The following CD163L1 variants were observed in gnomAD, a reference collection of about 807,000 sequenced individuals.
CD163L1 encodes the protein scavenger receptor cysteine-rich type 1 protein M160.
In CD163L1, 124 loss-of-function variants were observed where a neutral mutation model predicts 165.4. The ratio of observed to expected loss-of-function variants is 0.75; its 90% confidence interval spans 0.65 to 0.87. CD163L1 has a LOEUF of 0.87. CD163L1 is among the 40% of genes least tolerant of loss of function. The pLI is 0.00. For synonymous variants in CD163L1, 585 were observed against 662.2 expected, an observed-to-expected ratio of 0.88 and a Z score of 1.79; for missense variants, 1,525 against 1,799.9, an observed-to-expected ratio of 0.85 and a Z score of 2.76.
chr12:7,434,091 T>C (rs1565818720), intron 2 of CD163L1, among the ~76,000 whole-genome samples: 1 of 152,208 alleles, frequency 6.6e-6, no homozygotes, highest in Non-Finnish European at 1.5e-5. Flanking sequence ...GAAGGAGATG[T>C]TTTATATACT....
At chr12:7,323,142 T>C in the CD163L1 span, 3 of 1,239,646 alleles carry the variant, frequency 2.4e-6, no homozygotes, top group Middle Eastern at 2.3e-4. Flanking sequence ...ACCAGGAAAA[T>C]CAGTCAAAAT....
chr12:7,348,360 T>C (rs113844423), intron 4 of CD163L1, among the ~76,000 whole-genome samples: 10 of 152,346 alleles, frequency 6.6e-5, no homozygotes, highest in African/African-American at 2.4e-4. Flanking sequence ...TAGCTAAAAA[T>C]CTTATTGATT....
At chr12:7,365,612 T>C (rs939244850) in intron 18 of CD163L1, among the ~76,000 whole-genome samples, 1 of 151,978 alleles carries the variant, frequency 6.6e-6, no homozygotes, top group African/African-American at 2.4e-5. Context: ...AAGAACTGAA[T>C]AGACATTTCT....
downstream of CD163L1, among the ~76,000 whole-genome samples, chr12:7,342,912 T>C (rs1946646803): frequency 1.3e-5 from 2 of 152,236 alleles, no homozygotes; most frequent in Non-Finnish European, 2.9e-5. Flanking sequence ...ACATCAGGTT[T>C]TCTTTTCACG....
downstream of CD163L1, among the ~76,000 whole-genome samples, chr12:7,350,241 A>C (rs770002151): frequency 3.3e-5 from 5 of 152,196 alleles, no homozygotes; most frequent in Non-Finnish European, 7.3e-5. Context: ...CCAGGTGCCA[A>C]GCTGGAGTCA....
Position 7,439,713 on chromosome 12 carries a change from G to C in CD163L1, c.124+1441C>G, listed in dbSNP as rs764518225. The C allele has an allele frequency of 8.1e-5, 130 of 1,610,806 alleles. No homozygotes were observed. In the African/African-American group the frequency reaches 1.7e-3, roughly 21 times the overall value. ...CTTTACAGTCCTCCAGGTGAGTCTC[G>C]GGCTCCCAGGTATCGTCATCCGATG... On this transcript the variant is annotated intron_variant, in intron 2 of 19. Coordinates refer to ENST00000313599, the MANE Select transcript of CD163L1 (RefSeq NM_174941.6).
At position 7,374,688 on chromosome 12, in the gene CD163L1, C is replaced by T. The variant is rs36206713; in HGVS notation, c.3163G>A (p.Gly1055Ser). The T allele has an allele frequency of 7.0e-3, 11,360 of 1,614,200 alleles. 59 individuals carry two copies. The highest frequency in any genetic ancestry group is 0.014 in the Middle Eastern group (82 of 6,062). ...CAGRVEIYHD[G>S]FWGTICDDGW... is the part of the protein sequence containing the mutation. ...TCATCACAGATGGTGCCCCAGAAGC[C>T]GTCGTGATAGATCTCTACTCTCCCG... The change falls in exon 13 of 20, where the codon GGC becomes AGC. Residue 1055 changes from glycine (G) to serine (S), a missense_variant. Gly to Ser is a moderately conservative substitution (Grantham distance 56). Coordinates refer to ENST00000313599, the MANE Select transcript of CD163L1 (RefSeq NM_174941.6). This position sits in a 1 kb window ranked among gnomAD's most constrained non-coding sequence, Gnocchi z 5.4.
chr12:7,405,912 GA>G (rs1948005999), intron 5 of CD163L1, among the ~76,000 whole-genome samples: 1 of 152,114 alleles, frequency 6.6e-6, no homozygotes, highest in Non-Finnish European at 1.5e-5. Context: ...TACTGTGAGA[GA>G]AATATGAAGG....
At chr12:7,417,272 C>G (rs940445043) in intron 4 of CD163L1, among the ~76,000 whole-genome samples, 15 of 152,114 alleles carry the variant, frequency 9.9e-5, no homozygotes, top group Non-Finnish European at 7.4e-5. Flanking sequence ...ATTTCCTATC[C>G]TGAGACTTTG....
the CD163L1 span, among the ~76,000 whole-genome samples, chr12:7,321,552 C>T: frequency 6.6e-6 from 1 of 152,178 alleles, no homozygotes; most frequent in Admixed American, 6.5e-5. Flanking sequence ...TATGTCACGG[C>T]CTTTGAAACA....
intron 8 of CD163L1, among the ~76,000 whole-genome samples, chr12:7,389,804 C>G (rs1236289712): frequency 6.6e-6 from 1 of 151,586 alleles, no homozygotes; most frequent in Non-Finnish European, 1.5e-5. Context: ...CATGTACCCA[C>G]AGACATTTTT....
chr12:7,383,855 C>T (rs935938818), intron 8 of CD163L1, among the ~76,000 whole-genome samples: 2 of 152,006 alleles, frequency 1.3e-5, no homozygotes, highest in East Asian at 1.9e-4. Flanking sequence ...ATGAAAGCAA[C>T]GATTTTATAC....
intron 4 of CD163L1, among the ~76,000 whole-genome samples, chr12:7,421,394 G>A (rs1472681227): frequency 2.0e-4 from 14 of 71,022 alleles, no homozygotes; most frequent in East Asian, 1.6e-3. Context: ...AGATATATAT[G>A]TATATATATC....
In CD163L1 at chr12:7,386,246, G is replaced by C. The variant is rs141503674; in HGVS notation, c.2051-6948C>G. On this transcript the variant is annotated intron_variant, in intron 8 of 19. Coordinates refer to ENST00000313599, the MANE Select transcript of CD163L1 (RefSeq NM_174941.6). ...AAAGGATAAATTCCTGTACACATAC[G>C]ATCTGCCCAAGATTAATCAAGGAAG... 8.0e-4 allele frequency among the ~76,000 whole-genome samples: 121 copies of C among 151,946 alleles called. 1 individual carries two copies. Among genetic ancestry groups the C allele is most frequent in the African/African-American group, 2.8e-3 (117 of 41,488 alleles).
intron 18 of CD163L1, among the ~76,000 whole-genome samples, chr12:7,359,660 C>T (rs182575192): frequency 2.6e-5 from 4 of 151,844 alleles, no homozygotes; most frequent in South Asian, 4.2e-4. Context: ...CTCTGATCTA[C>T]GAAAAGAAAA....
chr12:7,419,148 C>G (rs749344009), intron 4 of CD163L1, among the ~76,000 whole-genome samples: 4 of 152,086 alleles, frequency 2.6e-5, no homozygotes, highest in East Asian at 3.9e-4. Flanking sequence ...ACAACATTAT[C>G]AGAAAGATAA....
At chr12:7,355,213 G>A (rs758187986) in intron 19 of CD163L1, 83 bp from the exon 20 acceptor site, 3 of 152,032 alleles carry the variant, frequency 2.0e-5, no homozygotes, top group East Asian at 1.9e-4. Flanking sequence ...GTTAAGACAC[G>A]TGTGTGTGTG....
chr12:7,426,529 A>G (rs1948546660), intron 4 of CD163L1, among the ~76,000 whole-genome samples: 1 of 152,106 alleles, frequency 6.6e-6, no homozygotes, highest in African/African-American at 2.4e-5. Flanking sequence ...GTAAGGGATA[A>G]AAACTACACA....
intron 8 of CD163L1, among the ~76,000 whole-genome samples, chr12:7,388,558 C>T (rs1947571600): frequency 6.6e-6 from 1 of 152,014 alleles, no homozygotes; most frequent in Non-Finnish European, 1.5e-5. Context: ...GCCTGGGCAA[C>T]ACGGTGAAAC....
Sources: allele counts gnomAD v4.1 joint callset (sites outside exome capture counted in the v4.1 genomes callset), GRCh38; gene constraint gnomAD v4.1.1; non-coding constraint Gnocchi (gnomAD v3.1); transcripts MANE v1.5; gene names NCBI Gene and HGNC (gene_info 2026-07-23, HGNC 2026-07-21).